Variants in RAB10 observed in about 807,000 individuals in gnomAD.
The protein encoded by RAB10 is RAB10, member RAS oncogene family, also known as ras-related protein Rab-10.
Under a neutral mutation model 25.7 loss-of-function variants are expected in RAB10, and 5 were observed. The observed-to-expected ratio is 0.19, with a 90% CI of 0.10 to 0.41. RAB10 has a LOEUF of 0.41. RAB10 is among the 10% of genes least tolerant of loss of function. The probability of loss-of-function intolerance (pLI) is 1.00; values close to 1 mark genes in which losing one functional copy is unlikely to be tolerated. For missense variants in RAB10, 103 were observed against 245.8 expected (o/e 0.42, Z 3.89); for synonymous variants, 89 against 86.4 (o/e 1.03, Z -0.16).
intron 2 of RAB10, among the ~76,000 whole-genome samples, chr2:26,105,533 T>G (rs1330692695): frequency 4.6e-5 from 7 of 152,020 alleles, no homozygotes; most frequent in Non-Finnish European, 7.4e-5. Context: ...CACACACCTG[T>G]AATCCCAGCT....
At chr2:26,058,018 G>T (rs1241019912) in intron 1 of RAB10, among the ~76,000 whole-genome samples, 1 of 152,198 alleles carries the variant, frequency 6.6e-6, no homozygotes, top group East Asian at 1.9e-4. Flanking sequence ...ATGGAAAGAT[G>T]TGAACTGTAG....
intron 5 of RAB10, among the ~76,000 whole-genome samples, chr2:26,132,506 G>A (rs1668029862): frequency 6.6e-6 from 1 of 152,178 alleles, no homozygotes; most frequent in African/African-American, 2.4e-5. Context: ...GCCCACCTTG[G>A]CCTCCCAAAG....
chr2:26,048,470 G>A (rs1389825705), intron 1 of RAB10, among the ~76,000 whole-genome samples: 1 of 152,080 alleles, frequency 6.6e-6, no homozygotes, highest in Non-Finnish European at 1.5e-5. Context: ...ATTGCCAAAG[G>A]TGTTGAAAAG....
intron 1 of RAB10, among the ~76,000 whole-genome samples, chr2:26,042,449 A>G (rs1665912835): frequency 1.3e-5 from 2 of 152,212 alleles, no homozygotes; most frequent in South Asian, 2.1e-4. Context: ...CAGCCTGGGC[A>G]ACTTAGCGAG....
chr2:26,116,552 T>G (rs1667692405), intron 3 of RAB10, among the ~76,000 whole-genome samples: 2 of 116,938 alleles, frequency 1.7e-5, no homozygotes, highest in East Asian at 2.4e-4. Flanking sequence ...TCTTGTGTTT[T>G]TTTTTTTTTT....
chr2:26,110,376 A>G (rs1667545254), intron 3 of RAB10, among the ~76,000 whole-genome samples: 1 of 151,396 alleles, frequency 6.6e-6, no homozygotes, highest in African/African-American at 2.4e-5. Context: ...GTTATTTGCT[A>G]ATTTTTTCTT....
At chr2:26,049,186 CTT>C (rs1314869793) in intron 1 of RAB10, among the ~76,000 whole-genome samples, 53 of 125,396 alleles carry the variant, frequency 4.2e-4, no homozygotes, top group Middle Eastern at 4.0e-3. Context: ...TGGAGGTCGA[CTT>C]TTTTTTTTTT....
Position 26,040,256 on chromosome 2 carries a change from A to G in RAB10, c.127+5521A>G, listed in dbSNP as rs190474360. 4.2e-3 allele frequency among the ~76,000 whole-genome samples: 637 copies of G among 152,250 alleles called. 3 individuals carry two copies. The highest frequency in any genetic ancestry group is 0.015 in the African/African-American group (615 of 41,548). On this transcript the variant is annotated intron_variant, in intron 1 of 5. Coordinates refer to ENST00000264710, the MANE Select transcript of RAB10 (RefSeq NM_016131.5). ...AGCCTCGAACTCCTGGGCTTAAGCAATCCTCCTTCCTCGGCCTCTCACGTA... is the reference window on the plus strand; with the variant it reads ...AGCCTCGAACTCCTGGGCTTAAGCAGTCCTCCTTCCTCGGCCTCTCACGTA...
chr2:26,121,442 C>T (rs1667801446), intron 3 of RAB10, among the ~76,000 whole-genome samples: 1 of 152,126 alleles, frequency 6.6e-6, no homozygotes, highest in Admixed American at 6.6e-5. Context: ...TCTCAGCCTC[C>T]CAAGAAGCTG....
chr2:26,073,836 A>G (rs570023068), intron 1 of RAB10, among the ~76,000 whole-genome samples: 1 of 152,214 alleles, frequency 6.6e-6, no homozygotes, highest in Non-Finnish European at 1.5e-5. Context: ...AAATGGATGT[A>G]GATAAGATTT....
intron 1 of RAB10, among the ~76,000 whole-genome samples, chr2:26,046,936 C>A (rs970148553): frequency 6.6e-6 from 1 of 152,072 alleles, no homozygotes; most frequent in Non-Finnish European, 1.5e-5. Flanking sequence ...ATTTCTCATG[C>A]AGTTGTAAAA....
intron 5 of RAB10, among the ~76,000 whole-genome samples, chr2:26,130,061 G>A (rs771221219): frequency 5.9e-5 from 9 of 152,160 alleles, no homozygotes; most frequent in Non-Finnish European, 8.8e-5. Flanking sequence ...ATGGTGGTAA[G>A]GGGGACGGAT....
Position 26,103,477 on chromosome 2 carries a change from A to C in RAB10, c.188+4755A>C, listed in dbSNP as rs1667386469. ...TACTGTAAGGCTTTGTAATCCCCAG[A>C]ATAAAGAGTTTGGAATTGATTCTGG... On this transcript the variant is annotated intron_variant, in intron 2 of 5. Coordinates refer to ENST00000264710, the MANE Select transcript of RAB10 (RefSeq NM_016131.5). Among the ~76,000 whole-genome samples the C allele has an allele frequency of 3.9e-5, 6 of 152,314 alleles. No homozygotes were observed. In the South Asian group the frequency reaches 1.2e-3, roughly 32 times the overall value.
intron 1 of RAB10, among the ~76,000 whole-genome samples, chr2:26,041,276 C>G (rs1410969742): frequency 6.6e-6 from 1 of 152,116 alleles, no homozygotes; most frequent in African/African-American, 2.4e-5. Flanking sequence ...CGCAGTGGCT[C>G]ATGCCTGTAA....
At chr2:26,043,246 C>G (rs909030845) in intron 1 of RAB10, among the ~76,000 whole-genome samples, 2 of 152,108 alleles carry the variant, frequency 1.3e-5, no homozygotes, top group African/African-American at 4.8e-5. Context: ...TGGTGAGATC[C>G]TGTCTCTACC....
Position 26,034,515 on chromosome 2 carries a change from C to T in RAB10, c.-94C>T, listed in dbSNP as rs73920226. ...CTTTTTCCCACGCTTCCCCGGTCCT[C>T]CGGCCTGAGAACGCCCGAGTGAGGA... On this transcript the variant is annotated 5_prime_UTR_variant, in exon 1 of 6. Coordinates refer to ENST00000264710, the MANE Select transcript of RAB10 (RefSeq NM_016131.5). 5.5e-3 allele frequency: 8,554 copies of T among 1,547,014 alleles called. 399 individuals carry two copies. The African/African-American group carries it at 0.1, about 19-fold the overall frequency.
chr2:26,107,851 A>G (rs1667498453), intron 2 of RAB10, among the ~76,000 whole-genome samples: 1 of 152,122 alleles, frequency 6.6e-6, no homozygotes. Flanking sequence ...AATGGGCAAA[A>G]AAAAAAACCA....
chr2:26,077,120 A>G (rs989557277), intron 1 of RAB10, among the ~76,000 whole-genome samples: 2 of 152,144 alleles, frequency 1.3e-5, no homozygotes, highest in Non-Finnish European at 2.9e-5. Flanking sequence ...TTTCTACTAC[A>G]CTAATTTTGA....
intron 3 of RAB10, among the ~76,000 whole-genome samples, chr2:26,117,758 G>A (rs1295822743): frequency 6.6e-6 from 1 of 152,110 alleles, no homozygotes; most frequent in Non-Finnish European, 1.5e-5. Context: ...GAGATGAGAA[G>A]TTACCCAGAT....
Sources: allele counts gnomAD v4.1 joint callset (sites outside exome capture counted in the v4.1 genomes callset), GRCh38; gene constraint gnomAD v4.1.1; transcripts MANE v1.5; gene names NCBI Gene and HGNC (gene_info 2026-07-23, HGNC 2026-07-21).